SATB2: variants seen among roughly 807,000 people sequenced by gnomAD.
The protein encoded by SATB2 is DNA-binding protein SATB2.
In SATB2, 1 loss-of-function variant was observed where a neutral mutation model predicts 73.4. The ratio of observed to expected loss-of-function variants is 0.01; its 90% CI spans 0.00 to 0.06. The LOEUF is 0.06. SATB2 is among the 10% of genes least tolerant of loss of function. The probability of loss-of-function intolerance (pLI) is 1.00; values close to 1 mark genes in which losing one functional copy is unlikely to be tolerated. For synonymous variants in SATB2, 397 were observed against 367.0 expected, an observed-to-expected ratio of 1.08 and a Z score of -0.93; for missense variants, 459 against 945.8, an observed-to-expected ratio of 0.49 and a Z score of 6.75.
exon 1 of SATB2, chr2:199,465,016 A>G (rs1415701174): frequency 6.6e-6 from 1 of 152,190 alleles, no homozygotes; most frequent in Non-Finnish European, 1.5e-5. Flanking sequence ...TACGAGGGGA[A>G]CTTTTCCTTT....
upstream of SATB2, among the ~76,000 whole-genome samples, chr2:199,459,246 G>T (rs1014866516): frequency 6.6e-6 from 1 of 152,008 alleles, no homozygotes; most frequent in African/African-American, 2.4e-5. This position sits in a 1 kb window ranked among gnomAD's most constrained non-coding sequence, Gnocchi z 4.2. Context: ...CTCCCCGCCC[G>T]GGGGGAGGCC....
At chr2:199,442,758 T>C (rs987430734) in intron 2 of SATB2, among the ~76,000 whole-genome samples, 1 of 151,822 alleles carries the variant, frequency 6.6e-6, no homozygotes, top group African/African-American at 2.4e-5. Context: ...AAATAAATAA[T>C]TAAATAACTT....
chr2:199,355,302 G>C (rs1181847500), intron 6 of SATB2, among the ~76,000 whole-genome samples: 1 of 142,098 alleles, frequency 7.0e-6, no homozygotes. Context: ...ATATATACAA[G>C]GATGTATGTA....
intron 3 of SATB2, among the ~76,000 whole-genome samples, chr2:199,402,372 G>A (rs552350397): frequency 1.3e-5 from 2 of 151,890 alleles, no homozygotes; most frequent in South Asian, 2.1e-4. Flanking sequence ...GTGACAGAGC[G>A]AGACTCCATC....
chr2:199,445,335 A>AGAAT (rs1691933525), intron 2 of SATB2, among the ~76,000 whole-genome samples: 1 of 152,200 alleles, frequency 6.6e-6, no homozygotes, highest in African/African-American at 2.4e-5. Flanking sequence ...TTTCCACAGG[A>AGAAT]GAATGTTCAG....
intron 5 of SATB2, among the ~76,000 whole-genome samples, chr2:199,370,225 G>A (rs950318588): frequency 1.2e-4 from 18 of 151,986 alleles, no homozygotes; most frequent in Non-Finnish European, 1.5e-4. Flanking sequence ...AGACCCTTGA[G>A]GACAGTGACT....
In SATB2 at chr2:199,271,251, T is replaced by C. The variant is rs1692146675; in HGVS notation, c.*960A>G. ...CCATATGTCCAATGTCAAAATGTCA[T>C]TTGATCAAGACTTGCACTAGTGGAC... On this transcript the variant is annotated 3_prime_UTR_variant, in exon 11 of 11. Coordinates refer to ENST00000417098, the MANE Select transcript of SATB2 (RefSeq NM_001172509.2). 1 of 152,748 alleles carries C rather than the reference T, an allele frequency of 6.5e-6. No individual in the cohort carries two copies. Among genetic ancestry groups the C allele is most frequent in the African/African-American group, 2.4e-5 (1 of 41,448 alleles). The allele number at this position is 152,748 out of a possible 1,614,324, so 9.5% of individuals were successfully genotyped here.
chr2:199,420,516 A>T (rs1485097527), intron 3 of SATB2, among the ~76,000 whole-genome samples: 1 of 152,172 alleles, frequency 6.6e-6, no homozygotes, highest in Non-Finnish European at 1.5e-5. Flanking sequence ...TTGAGTACTA[A>T]GTGACACCTC....
chr2:199,416,488 T>C (rs1690990100), intron 3 of SATB2, among the ~76,000 whole-genome samples: 1 of 152,158 alleles, frequency 6.6e-6, no homozygotes, highest in Non-Finnish European at 1.5e-5. Flanking sequence ...AGAGGTCTTC[T>C]TCAAATGCTA....
chr2:199,368,502 A>T (rs890683393), intron 6 of SATB2, 103 bp downstream of exon 6: 7 of 742,384 alleles, frequency 9.4e-6, no homozygotes, highest in Non-Finnish European at 1.7e-5. Context: ...TTGTAAAAAA[A>T]TTACGTAAAT....
intron 10 of SATB2, among the ~76,000 whole-genome samples, chr2:199,300,438 A>C (rs1300294534): frequency 6.6e-6 from 1 of 151,910 alleles, no homozygotes; most frequent in Admixed American, 6.6e-5. Context: ...ATTTACTCTC[A>C]CCAGAAGGAA....
At chr2:199,441,101 C>T (rs1487516504) in intron 2 of SATB2, among the ~76,000 whole-genome samples, 1 of 152,150 alleles carries the variant, frequency 6.6e-6, no homozygotes, top group Non-Finnish European at 1.5e-5. Flanking sequence ...CCTGCCTCGA[C>T]CTCCCAAAGC....
At chr2:199,438,622 G>A (rs1161453690) in intron 2 of SATB2, among the ~76,000 whole-genome samples, 1 of 152,174 alleles carries the variant, frequency 6.6e-6, no homozygotes, top group East Asian at 1.9e-4. Flanking sequence ...TGCGTATTCT[G>A]GAAGGCTCTG....
chr2:199,338,917 TAAAA>T (rs564809180), intron 7 of SATB2, among the ~76,000 whole-genome samples: 1 of 128,072 alleles, frequency 7.8e-6, no homozygotes, highest in Non-Finnish European at 1.6e-5. Flanking sequence ...GACTCTGTCT[TAAAA>T]AAAAAAAAAA....
At chr2:199,413,017 G>C (rs928301713) in intron 3 of SATB2, among the ~76,000 whole-genome samples, 1 of 152,166 alleles carries the variant, frequency 6.6e-6, no homozygotes, top group African/African-American at 2.4e-5. Context: ...GAAAACACCA[G>C]TGCCAAGGAA....
chr2:199,468,413 T>C (rs1404957688), upstream of SATB2, among the ~76,000 whole-genome samples: 1 of 152,166 alleles, frequency 6.6e-6, no homozygotes, highest in Non-Finnish European at 1.5e-5. Flanking sequence ...TTTCCTACTC[T>C]GCCACAGGAC....
chr2:199,463,326 G>C lies in SATB2; in HGVS notation c.-141+1510C>G, dbSNP rs1692521960. On this transcript the variant is annotated intron_variant, in intron 1 of 11. Transcript: ENST00000260926. This position sits in a 1 kb window ranked among gnomAD's most constrained non-coding sequence, Gnocchi z 6.4. ...CAAGGGTGGGGGAAGAAAAGGAAGC[G>C]CCGAAGGAGCCGCCGCTGCGTCCCC... Among the ~76,000 whole-genome samples the C allele has an allele frequency of 6.6e-6, 1 of 152,224 alleles. No individual in the cohort carries two copies. Among genetic ancestry groups the C allele is most frequent in the African/African-American group, 2.4e-5 (1 of 41,464 alleles).
intron 3 of SATB2, among the ~76,000 whole-genome samples, chr2:199,416,586 C>T (rs1460356524): frequency 1.3e-5 from 2 of 152,018 alleles, no homozygotes; most frequent in African/African-American, 4.8e-5. Context: ...TAAATACTAA[C>T]AAAAGGGAGA....
At chr2:199,375,345 G>A (rs1689568974) in intron 5 of SATB2, among the ~76,000 whole-genome samples, 2 of 152,150 alleles carry the variant, frequency 1.3e-5, no homozygotes, top group African/African-American at 4.8e-5. Flanking sequence ...AAAGGAAGAG[G>A]TGCCAGCACT....
Sources: allele counts gnomAD v4.1 joint callset (sites outside exome capture counted in the v4.1 genomes callset), GRCh38; gene constraint gnomAD v4.1.1; non-coding constraint Gnocchi (gnomAD v3.1); transcripts MANE v1.5; gene names NCBI Gene and HGNC (gene_info 2026-07-23, HGNC 2026-07-21).